SLC44A5: variants seen among roughly 807,000 people sequenced by gnomAD.
The protein encoded by SLC44A5 is choline transporter-like protein 5.
A neutral mutation model predicts 101.8 loss-of-function variants in SLC44A5; 57 were observed. That is an observed-to-expected ratio of 0.56 (90% CI 0.45 to 0.70). SLC44A5 has a LOEUF of 0.70. Ranked by LOEUF, SLC44A5 falls within the 30% of genes least tolerant of loss-of-function variation. The probability of loss-of-function intolerance (pLI) is 0.00; values close to 1 mark genes in which losing one functional copy is unlikely to be tolerated. For missense variants in SLC44A5, 737 were observed against 853.1 expected (o/e 0.86, Z 1.70); for synonymous variants, 281 against 290.9 (o/e 0.97, Z 0.35).
rs754658767 is a variant in SLC44A5 at position 75,466,655 on chromosome 1, TAA to T, written c.14-70036_14-70035del. 3.8e-3 allele frequency among the ~76,000 whole-genome samples: 336 copies of T among 88,424 alleles called. 2 individuals carry two copies. Among genetic ancestry groups the T allele is most frequent in the African/African-American group, 0.011 (236 of 21,484 alleles). 58.0% of individuals were successfully genotyped at this position (88,424 alleles called of 152,430 possible). The stretch of plus-strand genomic sequence containing the variant: ...TGGGTGACAGTTCAAGATGCCATCT[TAA>T]AAAAAAAAAAAAAAAAAAAAAGAAG... On this transcript the variant is annotated intron_variant, in intron 2 of 23. Transcript: ENST00000370859.
At chr1:75,656,986 T>C in the SLC44A5 span, among the ~76,000 whole-genome samples, 1 of 151,856 alleles carries the variant, frequency 6.6e-6, no homozygotes, top group South Asian at 2.1e-4. Context: ...CCATCTCTAC[T>C]AAAAATACAA....
intron 1 of SLC44A5, among the ~76,000 whole-genome samples, chr1:75,554,968 C>T (rs1219608234): frequency 6.6e-6 from 1 of 151,782 alleles, no homozygotes; most frequent in African/African-American, 2.4e-5. Flanking sequence ...ACAAATTCAA[C>T]CAGCTCATAA....
the SLC44A5 span, among the ~76,000 whole-genome samples, chr1:75,723,163 G>T: frequency 6.6e-6 from 1 of 152,208 alleles, no homozygotes; most frequent in Non-Finnish European, 1.5e-5. Flanking sequence ...CGGTAGTAGG[G>T]TGCACGTGTC....
chr1:75,558,826 C>A (rs1034108708), intron 1 of SLC44A5, among the ~76,000 whole-genome samples: 8 of 152,106 alleles, frequency 5.3e-5, no homozygotes, highest in African/African-American at 1.9e-4. Flanking sequence ...GTCACACATT[C>A]TTTTCCTCAG....
chr1:75,697,947 G>C, the SLC44A5 span, among the ~76,000 whole-genome samples: 2 of 152,168 alleles, frequency 1.3e-5, no homozygotes, highest in Non-Finnish European at 2.9e-5. Context: ...TTTCCAACGG[G>C]CTTAAAAAAC....
At chr1:75,383,520 G>T (rs1336103281) in intron 3 of SLC44A5, among the ~76,000 whole-genome samples, 1 of 152,138 alleles carries the variant, frequency 6.6e-6, no homozygotes, top group African/African-American at 2.4e-5. Context: ...AGAATAAAAA[G>T]AAATGAGCAA....
the SLC44A5 span, chr1:75,677,777 A>C: frequency 2.3e-6 from 1 of 432,860 alleles, no homozygotes; most frequent in East Asian, 7.4e-5. Flanking sequence ...GCCGAATAGG[A>C]ACAGCTCCGG....
chr1:75,389,329 A>G (rs1395459928), intron 3 of SLC44A5, among the ~76,000 whole-genome samples: 1 of 152,182 alleles, frequency 6.6e-6, no homozygotes, highest in Non-Finnish European at 1.5e-5. Context: ...CCGGACCTAA[A>G]AGACATCTAC....
chr1:75,231,276 G>C (rs1647543032), intron 12 of SLC44A5, among the ~76,000 whole-genome samples: 1 of 152,030 alleles, frequency 6.6e-6, no homozygotes, highest in Non-Finnish European at 1.5e-5. Context: ...TTCCTGCTTG[G>C]TTCCCCGCTT....
chr1:75,233,875 A>G (rs1647824181), intron 12 of SLC44A5, 111 bp downstream of exon 12: 2 of 779,054 alleles, frequency 2.6e-6, no homozygotes, highest in Middle Eastern at 2.5e-4. Context: ...TTTTGAGGGT[A>G]AAGAATAATT....
intron 17 of SLC44A5, 69 bp downstream of exon 17, chr1:75,218,421 C>G: frequency 6.4e-7 from 1 of 1,567,796 alleles, no homozygotes; most frequent in East Asian, 2.2e-5. Flanking sequence ...AATTAATGAG[C>G]CAAGACTGAA....
chr1:75,635,494 T>C, the SLC44A5 span, among the ~76,000 whole-genome samples: 2 of 151,664 alleles, frequency 1.3e-5, no homozygotes, highest in African/African-American at 2.4e-5. Context: ...AAATGATGAG[T>C]TCATGTCCTT....
chr1:75,370,455 C>T (rs142442436), intron 3 of SLC44A5, among the ~76,000 whole-genome samples: 9 of 152,228 alleles, frequency 5.9e-5, no homozygotes, highest in East Asian at 5.8e-4. Flanking sequence ...ATTGCAAAGA[C>T]GCCCAGTAGT....
At chr1:75,463,394 T>A (rs1570354409) in intron 2 of SLC44A5, among the ~76,000 whole-genome samples, 1 of 114,594 alleles carries the variant, frequency 8.7e-6, no homozygotes, top group African/African-American at 3.5e-5. Context: ...CACTCCAGCC[T>A]GGGCTAAAGA....
Position 75,240,415 on chromosome 1 carries a change from C to T in SLC44A5, c.532+1586G>A, listed in dbSNP as rs115537261. 8.8e-3 allele frequency among the ~76,000 whole-genome samples: 1,335 copies of T among 152,162 alleles called. 22 individuals carry two copies. The highest frequency in any genetic ancestry group is 0.03 in the African/African-American group (1,259 of 41,532). ...TTTCTCACTAGACTGTGAGGGACTACGCCTTATTCATTTTTGTATCCCCAA... is the reference window on the plus strand; with the variant it reads ...TTTCTCACTAGACTGTGAGGGACTATGCCTTATTCATTTTTGTATCCCCAA... On this transcript the variant is annotated intron_variant, in intron 9 of 23. Coordinates refer to ENST00000370859, the MANE Select transcript of SLC44A5 (RefSeq NM_001130058.2).
In SLC44A5 at chr1:75,378,174, G is replaced by A. The variant is rs1219584625; in HGVS notation, c.52+18409C>T. ...AGTCAGCCTTACAGTAAGCTTGTGCGCTCGGAAGAAGCTAGGGTGATAATA... is the reference window on the plus strand; with the variant it reads ...AGTCAGCCTTACAGTAAGCTTGTGCACTCGGAAGAAGCTAGGGTGATAATA... On this transcript the variant is annotated intron_variant, in intron 3 of 23. Transcript: ENST00000370859. Among the ~76,000 whole-genome samples the A allele has an allele frequency of 1.4e-4, 11 of 81,020 alleles. 1 individual carries two copies. The South Asian group carries it at 1.5e-3, about 11-fold the overall frequency. The allele number at this position is 81,020 out of a possible 152,430, so 53.2% of individuals were successfully genotyped here.
chr1:75,415,682 C>T (rs1275068339), intron 2 of SLC44A5, among the ~76,000 whole-genome samples: 1 of 152,120 alleles, frequency 6.6e-6, no homozygotes, highest in Admixed American at 6.6e-5. Context: ...TGTTGAATGG[C>T]TCTGACAAAA....
intron 4 of SLC44A5, among the ~76,000 whole-genome samples, chr1:75,338,449 C>T (rs1402445169): frequency 6.6e-6 from 1 of 152,170 alleles, no homozygotes; most frequent in Non-Finnish European, 1.5e-5. Flanking sequence ...ATTATTATTA[C>T]TGTTGAATCT....
intron 3 of SLC44A5, among the ~76,000 whole-genome samples, chr1:75,375,851 G>A (rs1406014961): frequency 6.6e-6 from 1 of 152,180 alleles, no homozygotes; most frequent in Non-Finnish European, 1.5e-5. Context: ...GGCCGAATAG[G>A]AACAGCTCCT....
Sources: allele counts gnomAD v4.1 joint callset (sites outside exome capture counted in the v4.1 genomes callset), GRCh38; gene constraint gnomAD v4.1.1; transcripts MANE v1.5; gene names NCBI Gene and HGNC (gene_info 2026-07-23, HGNC 2026-07-21).